Variants in CD34 observed in about 807,000 individuals in gnomAD.
CD34 encodes hematopoietic progenitor cell antigen CD34.
In CD34, 34 loss-of-function variants were observed where a neutral mutation model predicts 40.1. The ratio of observed to expected loss-of-function variants is 0.85; its 90% CI spans 0.65 to 1.13. The LOEUF is 1.13. Ranked by LOEUF, CD34 falls within the 50% of genes most tolerant of loss-of-function variation. The probability of loss-of-function intolerance (pLI) is 0.00; values close to 1 mark genes in which losing one functional copy is unlikely to be tolerated. For missense variants in CD34, 426 were observed against 466.9 expected, an observed-to-expected ratio of 0.91 and a Z score of 0.81; for synonymous variants, 209 against 190.0, an observed-to-expected ratio of 1.10 and a Z score of -0.82.
At chr1:207,893,924 C>G (rs1026102660) in intron 4 of CD34, among the ~76,000 whole-genome samples, 1 of 152,062 alleles carries the variant, frequency 6.6e-6, no homozygotes, top group South Asian at 2.1e-4. Context: ...GAAAATAACA[C>G]GTGTTGATGA....
At chr1:207,897,632 T>C in intron 3 of CD34, 59 bp from the exon 4 acceptor site, 8 of 1,335,044 alleles carry the variant, frequency 6.0e-6, no homozygotes, top group Non-Finnish European at 8.4e-6. Context: ...TCTTTGCTCC[T>C]CATTTCTTTC....
chr1:207,889,407 G>A, intron 5 of CD34, 58 bp downstream of exon 5: 17 of 1,559,728 alleles, frequency 1.1e-5, no homozygotes, highest in Non-Finnish European at 1.5e-5. Flanking sequence ...CTCCACCCAG[G>A]ATTCTCTAAC....
intron 4 of CD34, among the ~76,000 whole-genome samples, chr1:207,894,139 G>A (rs1662093834): frequency 6.6e-6 from 1 of 152,096 alleles, no homozygotes; most frequent in Admixed American, 6.5e-5. Flanking sequence ...AGCCTAAAGG[G>A]GAAAAAGCCC....
chr1:207,901,118 T>C (rs1351470702), intron 1 of CD34, among the ~76,000 whole-genome samples: 2 of 151,926 alleles, frequency 1.3e-5, no homozygotes, highest in Non-Finnish European at 2.9e-5. Context: ...GATCCTCCTG[T>C]CTTGGCCTCC....
In CD34 at chr1:207,887,472, G is replaced by C. The variant is rs1312899241; in HGVS notation, c.*266C>G. The C allele has an allele frequency of 4.2e-6, 2 of 472,642 alleles. No homozygotes were observed. The highest frequency in any genetic ancestry group is 7.6e-6 in the Non-Finnish European group (2 of 263,126). 29.3% of individuals were successfully genotyped at this position (472,642 alleles called of 1,614,324 possible). Reference sequence around the variant, plus strand: ...GCTGCAAGGCCATCGATTGTTCCTGGGAGCTTCTCCAGACCTTGGCTTTCC... The same window carrying C: ...GCTGCAAGGCCATCGATTGTTCCTGCGAGCTTCTCCAGACCTTGGCTTTCC... On this transcript the variant is annotated 3_prime_UTR_variant, in exon 8 of 8. Coordinates refer to ENST00000310833, the MANE Select transcript of CD34 (RefSeq NM_001025109.2).
intron 1 of CD34, among the ~76,000 whole-genome samples, chr1:207,906,395 G>A (rs150627259): frequency 1.3e-5 from 2 of 152,290 alleles, no homozygotes; most frequent in East Asian, 1.9e-4. Flanking sequence ...CCAACTCTGA[G>A]GCCTACCATG....
intron 1 of CD34, among the ~76,000 whole-genome samples, chr1:207,902,039 C>T (rs1184747179): frequency 6.6e-6 from 1 of 152,220 alleles, no homozygotes; most frequent in East Asian, 1.9e-4. Context: ...AGAACGGTTT[C>T]CCTAAAGGTG....
At chr1:207,890,200 T>C (rs889551501) in intron 4 of CD34, 74 of 1,007,466 alleles carry the variant, frequency 7.3e-5, no homozygotes, top group Non-Finnish European at 8.4e-5. Flanking sequence ...TGGAACCCAG[T>C]TTTAATGAAG....
chr1:207,902,908 G>T (rs191370417), intron 1 of CD34, among the ~76,000 whole-genome samples: 1 of 152,136 alleles, frequency 6.6e-6, no homozygotes, highest in Non-Finnish European at 1.5e-5. Context: ...CCACCAGGCC[G>T]AGCGCTGTGG....
rs2102302478 is a variant in CD34, at chr1:207,899,899, T to C, written c.184A>G (p.Thr62Ala). The change falls in exon 2 of 8, where the codon ACA (threonine) becomes GCA (alanine). Residue 62 changes from threonine to alanine, a missense_variant. By Grantham distance (58) the Thr-to-Ala change is moderately conservative (BLOSUM62 0). Coordinates refer to ENST00000310833, the MANE Select transcript of CD34 (RefSeq NM_001025109.2). Reference sequence around the variant, plus strand: ...GTACTTCCAAGGGTACTAGGTGTTGTAGTTTCTTGGTAGGATACATTTGTA... The same window carrying C: ...GTACTTCCAAGGGTACTAGGTGTTGCAGTTTCTTGGTAGGATACATTTGTA... The part of the protein sequence containing the change: ...VSTNVSYQET[T>A]TPSTLGSTSL... 1.2e-6 allele frequency: 2 copies of C among 1,614,084 alleles called. No homozygotes were observed. Among genetic ancestry groups the C allele is most frequent in the African/African-American group, 1.3e-5 (1 of 75,046 alleles).
intron 1 of CD34, among the ~76,000 whole-genome samples, chr1:207,901,039 A>G (rs190879910): frequency 7.2e-6 from 1 of 138,684 alleles, no homozygotes; most frequent in East Asian, 2.1e-4. Context: ...CTCTGTCATC[A>G]CAGCACCCAG....
intron 1 of CD34, among the ~76,000 whole-genome samples, chr1:207,903,992 C>G (rs1236073365): frequency 1.3e-5 from 2 of 151,872 alleles, no homozygotes; most frequent in Non-Finnish European, 2.9e-5. Context: ...AAGTCCTTTT[C>G]GGGGGGGTAT....
intron 1 of CD34, among the ~76,000 whole-genome samples, chr1:207,905,677 A>G (rs953200969): frequency 2.0e-5 from 3 of 152,224 alleles, no homozygotes; most frequent in African/African-American, 7.2e-5. Context: ...AAATACTCCA[A>G]AATACGAAAC....
chr1:207,895,530 G>T (rs528852879), intron 4 of CD34, among the ~76,000 whole-genome samples: 1 of 152,308 alleles, frequency 6.6e-6, no homozygotes, highest in East Asian at 1.9e-4. Context: ...CAATCTTAGA[G>T]GAACATGCAG....
chr1:207,896,241 T>C (rs948401236), intron 4 of CD34, among the ~76,000 whole-genome samples: 2 of 152,234 alleles, frequency 1.3e-5, no homozygotes, highest in Non-Finnish European at 2.9e-5. Flanking sequence ...AATACCACTC[T>C]TTCCTTCACC....
At chr1:207,888,218 A>C in intron 7 of CD34, 2 of 1,263,248 alleles carry the variant, frequency 1.6e-6, no homozygotes. Flanking sequence ...GGGTGGGATG[A>C]CCTCCCCAGG....
At position 207,889,168 on chromosome 1, in the gene CD34, A is replaced by G; in HGVS notation, c.800T>C (p.Leu267Pro). The change falls in exon 6 of 8, where the codon CTG becomes CCG. Residue 267 changes from leucine to proline, a missense_variant. Transcript: ENST00000310833. ...LQLMKKHQSD[L>P]KKLGILDFTE... Reference sequence around the variant, plus strand: ...TCATCTCAGAGGACTTACCTTTTTCAGGTCAGATTGGTGCTTTTTCATAAG... The same window carrying G: ...TCATCTCAGAGGACTTACCTTTTTCGGGTCAGATTGGTGCTTTTTCATAAG... The G allele has an allele frequency of 6.3e-7, 1 of 1,578,558 alleles. No individual in the cohort carries two copies. Among genetic ancestry groups the G allele is most frequent in the Non-Finnish European group, 8.7e-7 (1 of 1,147,466 alleles).
chr1:207,891,314 G>A (rs1662029807), intron 4 of CD34, among the ~76,000 whole-genome samples: 1 of 152,132 alleles, frequency 6.6e-6, no homozygotes, highest in Admixed American at 6.5e-5. Context: ...GTCATGTGTA[G>A]GGGGGTGGGG....
Position 207,889,542 on chromosome 1 carries a change from G to C in CD34, c.677C>G (p.Ala226Gly). Residue 226 changes from alanine to glycine, a missense_variant, in exon 5 of 8, where the codon GCC (alanine) becomes GGC (glycine). Physicochemically the swap from Ala to Gly is moderately conservative, Grantham distance 60. Transcript: ENST00000310833. ...GEEQADADAG[A>G]QVCSLLLAQS... ...GGCAAGGAGCAGGGAGCATACCTGG[G>C]CCCCAGCATCAGCATCAGCCTGCTC... is the stretch of plus-strand genomic sequence containing the variant. The C allele has an allele frequency of 6.2e-7, 1 of 1,614,068 alleles. No individual in the cohort carries two copies. Among genetic ancestry groups the C allele is most frequent in the East Asian group, 2.2e-5 (1 of 44,872 alleles).
Sources: gnomAD v4.1 joint callset for allele counts (sites outside exome capture counted in the v4.1 genomes callset) on GRCh38, gnomAD v4.1.1 for gene constraint, MANE v1.5 for transcripts, NCBI Gene and HGNC (gene_info 2026-07-23, HGNC 2026-07-21) for gene names.